Variants in HECW1 observed in about 807,000 individuals in gnomAD.
The protein encoded by HECW1 is HECT, C2 and WW domain containing E3 ubiquitin protein ligase 1, also known as E3 ubiquitin-protein ligase HECW1.
Under a neutral mutation model 182.3 loss-of-function variants are expected in HECW1, and 61 were observed. The ratio of observed to expected loss-of-function variants is 0.33; its 90% CI spans 0.27 to 0.41. HECW1 has a LOEUF of 0.41. Ranked by LOEUF, HECW1 falls within the 10% of genes least tolerant of loss-of-function variation. The pLI is 1.00. For missense variants in HECW1, 1,739 were observed against 2,108.9 expected, an observed-to-expected ratio of 0.82 and a Z score of 3.44; for synonymous variants, 859 against 832.6, an observed-to-expected ratio of 1.03 and a Z score of -0.55.
At chr7:43,187,476 A>AT (rs1267123076) in intron 2 of HECW1, among the ~76,000 whole-genome samples, 7 of 151,830 alleles carry the variant, frequency 4.6e-5, no homozygotes, top group African/African-American at 1.7e-4. Context: ...TAGGGTTTTT[A>AT]TTTTACTTTT....
chr7:43,468,405 G>A (rs74829566), intron 15 of HECW1, among the ~76,000 whole-genome samples: 24,732 of 152,144 alleles, frequency 0.16, 2,553 homozygotes, highest in Non-Finnish European at 0.22. Flanking sequence ...GAGACAGCGA[G>A]AAAACCATGT....
intron 24 of HECW1, among the ~76,000 whole-genome samples, chr7:43,525,444 A>T (rs1360299224): frequency 1.3e-5 from 2 of 152,214 alleles, no homozygotes; most frequent in African/African-American, 4.8e-5. Flanking sequence ...GCCCAGTTTC[A>T]TGAGAGGAGG....
Position 43,359,199 on chromosome 7 carries a change from T to A in HECW1, c.461-1687T>A, listed in dbSNP as rs186036648. ...ATTGAGGAAACCTTTACATATCAGT[T>A]AGGTTTATGTTTAGCTACATATAAC... On this transcript the variant is annotated intron_variant, in intron 5 of 29. Coordinates refer to ENST00000395891, the MANE Select transcript of HECW1 (RefSeq NM_015052.5). 2.7e-3 allele frequency among the ~76,000 whole-genome samples: 417 copies of A among 152,308 alleles called. 5 individuals carry two copies. The highest frequency in any genetic ancestry group is 2.4e-3 in the Non-Finnish European group (163 of 68,016).
At chr7:43,407,265 A>G (rs965794994) in intron 7 of HECW1, among the ~76,000 whole-genome samples, 2 of 152,030 alleles carry the variant, frequency 1.3e-5, no homozygotes, top group Non-Finnish European at 2.9e-5. Context: ...CACCTTACTC[A>G]GTGAGGCCCA....
At chr7:43,344,287 C>G (rs1813399144) in intron 5 of HECW1, among the ~76,000 whole-genome samples, 1 of 151,800 alleles carries the variant, frequency 6.6e-6, no homozygotes, top group Non-Finnish European at 1.5e-5. Flanking sequence ...CCTATTTTGG[C>G]TTTTCTTGCC....
At chr7:43,362,401 G>T (rs1816076745) in intron 6 of HECW1, among the ~76,000 whole-genome samples, 1 of 152,170 alleles carries the variant, frequency 6.6e-6, no homozygotes, top group Admixed American at 6.5e-5. Context: ...AAGCGCAGTG[G>T]GAAGAGAGGG....
At chr7:43,182,190 C>T (rs1025723500) in intron 2 of HECW1, among the ~76,000 whole-genome samples, 1 of 152,122 alleles carries the variant, frequency 6.6e-6, no homozygotes. Flanking sequence ...CATTTGTTGC[C>T]TGTGCTTTCA....
chr7:43,221,537 GTTTTTTTTTTTTTTTT>G (rs71008897), intron 2 of HECW1, among the ~76,000 whole-genome samples: 609 of 50,494 alleles, frequency 0.012, 4 homozygotes, highest in Non-Finnish European at 0.018. Context: ...GAGGAATTAG[GTTTTTTTTTTTTTTTT>G]TTTTTTTTTT....
intron 3 of HECW1, among the ~76,000 whole-genome samples, chr7:43,264,351 C>T (rs1801509066): frequency 6.6e-6 from 1 of 152,114 alleles, no homozygotes; most frequent in South Asian, 2.1e-4. Flanking sequence ...TCTTTCTGTG[C>T]CTGGCTATGT....
chr7:43,270,529 T>C (rs1033403947), intron 3 of HECW1, among the ~76,000 whole-genome samples: 1 of 152,168 alleles, frequency 6.6e-6, no homozygotes, highest in African/African-American at 2.4e-5. Context: ...AGTCACACAT[T>C]GTTACTCCTG....
chr7:43,295,238 G>A (rs986430029), intron 3 of HECW1, among the ~76,000 whole-genome samples: 4 of 152,192 alleles, frequency 2.6e-5, no homozygotes, highest in Non-Finnish European at 4.4e-5. Flanking sequence ...TTTTGTGAGA[G>A]AGGGAGGGAG....
chr7:43,299,858 A>G (rs1367844405), intron 3 of HECW1, among the ~76,000 whole-genome samples: 2 of 152,172 alleles, frequency 1.3e-5, no homozygotes, highest in African/African-American at 4.8e-5. Flanking sequence ...TTTGTTTTCA[A>G]AATAGAATTG....
chr7:43,461,923 A>G (rs1395380161), intron 13 of HECW1, among the ~76,000 whole-genome samples: 1 of 152,196 alleles, frequency 6.6e-6, no homozygotes, highest in East Asian at 1.9e-4. Flanking sequence ...TATAAATAAT[A>G]CTTCCTAAAG....
chr7:43,469,401 A>AT (rs940559564), intron 16 of HECW1, among the ~76,000 whole-genome samples: 6 of 152,056 alleles, frequency 3.9e-5, no homozygotes, highest in African/African-American at 1.4e-4. Context: ...CACTGTCTAC[A>AT]TTTTTTTTAA....
intron 21 of HECW1, among the ~76,000 whole-genome samples, chr7:43,502,782 T>G (rs2079418245): frequency 6.6e-6 from 1 of 152,244 alleles, no homozygotes; most frequent in Non-Finnish European, 1.5e-5. Flanking sequence ...GTATTTGACT[T>G]GCATTATCAC....
chr7:43,348,282 T>C (rs991817050), intron 5 of HECW1, among the ~76,000 whole-genome samples: 2 of 152,190 alleles, frequency 1.3e-5, no homozygotes, highest in Non-Finnish European at 2.9e-5. Context: ...TTCTTCTAAG[T>C]TTTCTAGTTT....
intron 3 of HECW1, among the ~76,000 whole-genome samples, chr7:43,310,744 A>G (rs868304217): frequency 6.6e-6 from 1 of 152,236 alleles, no homozygotes; most frequent in African/African-American, 2.4e-5. Context: ...CAAAAAGTCA[A>G]TAATTTGCAT....
At chr7:43,457,338 A>G (rs1373353365) in intron 13 of HECW1, among the ~76,000 whole-genome samples, 2 of 152,230 alleles carry the variant, frequency 1.3e-5, no homozygotes, top group Non-Finnish European at 2.9e-5. Context: ...TATGAAAAGT[A>G]TGAAGGTGAA....
At chr7:43,335,405 A>C (rs1811993384) in intron 5 of HECW1, among the ~76,000 whole-genome samples, 1 of 152,174 alleles carries the variant, frequency 6.6e-6, no homozygotes, top group Non-Finnish European at 1.5e-5. Context: ...GGGCCCTCCT[A>C]ATGGAATTAA....
Sources: allele counts gnomAD v4.1 joint callset (sites outside exome capture counted in the v4.1 genomes callset), GRCh38; gene constraint gnomAD v4.1.1; transcripts MANE v1.5; gene names NCBI Gene and HGNC (gene_info 2026-07-23, HGNC 2026-07-21).